The following FYB1 variants were observed in gnomAD, a reference collection of about 807,000 sequenced individuals.
FYB1 encodes the protein FYN binding protein 1, also known as FYN-binding protein 1.
Under a neutral mutation model 94.1 loss-of-function variants are expected in FYB1, and 41 were observed. The ratio of observed to expected loss-of-function variants is 0.44; its 90% CI spans 0.34 to 0.57. The LOEUF is 0.57. FYB1 is among the 20% of genes least tolerant of loss of function. The pLI, the probability that FYB1 is intolerant of heterozygous loss-of-function variation, is 0.02. For synonymous variants in FYB1, 367 were observed against 353.2 expected (o/e 1.04, Z -0.44); for missense variants, 1,050 against 976.8 (o/e 1.07, Z -1.00).
At chr5:39,129,338 C>T (rs1315540486) in intron 10 of FYB1, among the ~76,000 whole-genome samples, 1 of 151,872 alleles carries the variant, frequency 6.6e-6, no homozygotes, top group Non-Finnish European at 1.5e-5. Flanking sequence ...AAACATAAGA[C>T]CTAAAAGTAT....
At chr5:39,142,790 A>G (rs1742303380) in intron 3 of FYB1, among the ~76,000 whole-genome samples, 1 of 152,176 alleles carries the variant, frequency 6.6e-6, no homozygotes, top group Non-Finnish European at 1.5e-5. Flanking sequence ...AGTATTCTTA[A>G]AAATACTAGC....
intron 2 of FYB1, chr5:39,170,222 A>G (rs1745125013): frequency 7.9e-6 from 7 of 888,174 alleles, no homozygotes; most frequent in Non-Finnish European, 1.3e-5. Flanking sequence ...TTTTTGCTAT[A>G]TATGATGTTG....
At chr5:39,227,925 T>G (rs866120804) in intron 1 of FYB1, among the ~76,000 whole-genome samples, 2 of 152,296 alleles carry the variant, frequency 1.3e-5, no homozygotes, top group Middle Eastern at 3.4e-3. Context: ...TGTTTTTCAC[T>G]GGGGAAGACC....
At chr5:39,262,289 C>T (rs939012916) in intron 1 of FYB1, among the ~76,000 whole-genome samples, 58 of 151,770 alleles carry the variant, frequency 3.8e-4, no homozygotes, top group African/African-American at 1.4e-3. Flanking sequence ...TAAGAAATTC[C>T]TCTAAATCAA....
chr5:39,204,392 A>T lies in FYB1; in HGVS notation c.-27-1405T>A, dbSNP rs1748658067. Among the ~76,000 whole-genome samples the T allele has an allele frequency of 2.0e-5, 3 of 152,218 alleles. No individual in the cohort carries two copies. The South Asian group carries it at 6.2e-4, about 31-fold the overall frequency. On this transcript the variant is annotated intron_variant, in intron 1 of 18. Transcript: ENST00000512982. ...GAGGATGGCATGGCCAGACATGAGA[A>T]CTGGGTTTAAATCCTAGCCAGAATT...
intron 2 of FYB1, among the ~76,000 whole-genome samples, chr5:39,186,081 G>T (rs967886393): frequency 6.6e-6 from 1 of 152,012 alleles, no homozygotes; most frequent in African/African-American, 2.4e-5. Flanking sequence ...CCCTCAAGCG[G>T]GCTGCACAAA....
At position 39,236,969 on chromosome 5, in the gene FYB1, G is replaced by C. The variant is rs565267630; in HGVS notation, c.-27-33982C>G. Among the ~76,000 whole-genome samples the C allele has an allele frequency of 7.9e-5, 12 of 152,244 alleles. No individual in the cohort carries two copies. The South Asian group carries it at 1.7e-3, about 21-fold the overall frequency. On this transcript the variant is annotated intron_variant, in intron 1 of 1. Coordinates refer to the FYB1 transcript ENST00000510188. ...TATGACTATTCACTACTGCCACCAG[G>C]AACTTCTGGAAGTTGCACAAATATA...
At chr5:39,205,120 G>C (rs772342139) in intron 1 of FYB1, among the ~76,000 whole-genome samples, 65 of 152,124 alleles carry the variant, frequency 4.3e-4, no homozygotes, top group Admixed American at 9.8e-4. Flanking sequence ...GCAGTACCAA[G>C]AACAAAAATT....
At chr5:39,131,794 C>G (rs186683345) in intron 9 of FYB1, among the ~76,000 whole-genome samples, 1 of 152,278 alleles carries the variant, frequency 6.6e-6, no homozygotes, top group African/African-American at 2.4e-5. Context: ...TACTTTTCAT[C>G]TTGGATTTTT....
intron 2 of FYB1, among the ~76,000 whole-genome samples, chr5:39,173,623 C>G (rs1745454047): frequency 1.3e-5 from 2 of 152,056 alleles, no homozygotes; most frequent in Non-Finnish European, 2.9e-5. Flanking sequence ...TTTGTATATG[C>G]TGAGAGGCAG....
At chr5:39,248,386 A>C (rs1471106535) in intron 1 of FYB1, among the ~76,000 whole-genome samples, 1 of 152,096 alleles carries the variant, frequency 6.6e-6, no homozygotes, top group Non-Finnish European at 1.5e-5. Context: ...TGAGGTGGGG[A>C]GAGGCAGGGC....
At chr5:39,123,413 C>T in intron 13 of FYB1, among the ~76,000 whole-genome samples, 1 of 152,146 alleles carries the variant, frequency 6.6e-6, no homozygotes, top group East Asian at 1.9e-4. Flanking sequence ...GCAATTCTAA[C>T]AAAACCTTAT....
At chr5:39,250,421 A>G (rs1157884098) in intron 1 of FYB1, among the ~76,000 whole-genome samples, 1 of 152,222 alleles carries the variant, frequency 6.6e-6, no homozygotes, top group Non-Finnish European at 1.5e-5. Flanking sequence ...AAATGCCATC[A>G]ACATGTTTAA....
At position 39,254,754 on chromosome 5, in the gene FYB1, G is replaced by A. The variant is rs75693132; in HGVS notation, c.-28+19649C>T. On this transcript the variant is annotated intron_variant, in intron 1 of 1. Coordinates refer to the FYB1 transcript ENST00000510188. ...GAAAATGCATCTGAAAACTAAAGGTGCTTGATGAGAATTTCAAGGCATTGA... is the reference window on the plus strand; with the variant it reads ...GAAAATGCATCTGAAAACTAAAGGTACTTGATGAGAATTTCAAGGCATTGA... 2.7e-3 allele frequency among the ~76,000 whole-genome samples: 406 copies of A among 152,300 alleles called. 1 individual carries two copies. Among genetic ancestry groups the A allele is most frequent in the Non-Finnish European group, 3.7e-3 (253 of 68,000 alleles).
chr5:39,198,035 C>A (rs1747984436), intron 2 of FYB1, among the ~76,000 whole-genome samples: 1 of 151,854 alleles, frequency 6.6e-6, no homozygotes, highest in African/African-American at 2.4e-5. Flanking sequence ...TATCATGGGG[C>A]TGGTGATAAA....
chr5:39,150,263 A>G (rs903194171), intron 3 of FYB1, among the ~76,000 whole-genome samples: 4 of 152,210 alleles, frequency 2.6e-5, no homozygotes, highest in Admixed American at 6.5e-5. Context: ...GCTTTCTGTC[A>G]TAATAATGAA....
chr5:39,168,204 G>A lies in FYB1; in HGVS notation c.1136-14600C>T, dbSNP rs534812848. The stretch of plus-strand genomic sequence containing the variant: ...ATATTCCATTTTTAATTAAAGTGCC[G>A]TAATCAGGAATATTTCTCTTGAGTT... On this transcript the variant is annotated intron_variant, in intron 2 of 18. Coordinates refer to ENST00000512982, the MANE Select transcript of FYB1 (RefSeq NM_001465.6). Among the ~76,000 whole-genome samples, 11 of 152,086 alleles carry A rather than the reference G, an allele frequency of 7.2e-5. No homozygotes were observed. The South Asian group carries it at 1.5e-3, about 20-fold the overall frequency.
chr5:39,173,299 T>C (rs1245054703), intron 2 of FYB1, among the ~76,000 whole-genome samples: 1 of 152,146 alleles, frequency 6.6e-6, no homozygotes, highest in African/African-American at 2.4e-5. Flanking sequence ...TAATTAGATT[T>C]TTTGCTTGTT....
At chr5:39,187,955 G>A (rs1000959444) in intron 2 of FYB1, among the ~76,000 whole-genome samples, 1 of 152,136 alleles carries the variant, frequency 6.6e-6, no homozygotes, top group Admixed American at 6.5e-5. Context: ...AAATGAAAGG[G>A]AATAGAAAAC....
Sources: gnomAD v4.1 joint callset for allele counts (sites outside exome capture counted in the v4.1 genomes callset) on GRCh38, gnomAD v4.1.1 for gene constraint, MANE v1.5 for transcripts, NCBI Gene and HGNC (gene_info 2026-07-23, HGNC 2026-07-21) for gene names.